The following NSD3 variants were observed in gnomAD, a reference collection of about 807,000 sequenced individuals.
The protein encoded by NSD3 is nuclear receptor binding SET domain protein 3, also known as histone-lysine N-methyltransferase NSD3.
A neutral mutation model predicts 160.8 loss-of-function variants in NSD3; 24 were observed. The observed-to-expected ratio is 0.15, with a 90% confidence interval of 0.11 to 0.21. The LOEUF is 0.21. Ranked by LOEUF, NSD3 falls within the 10% of genes least tolerant of loss-of-function variation. NSD3 has a pLI of 1.00. For synonymous variants in NSD3, 520 were observed against 600.0 expected (o/e 0.87, Z 1.95); for missense variants, 1,157 against 1,735.9 (o/e 0.67, Z 5.93).
chr8:38,338,594 C>T lies in NSD3; in HGVS notation c.689G>A (p.Arg230Lys). Residue 230 changes from arginine (R) to lysine (K), a missense_variant, in exon 3 of 24, where the codon AGG (arginine) becomes AAG (lysine). This residue lies in a region of NSD3 where 99 missense variants were observed against 151.8 expected (regional missense o/e 0.65). Coordinates refer to ENST00000317025, the MANE Select transcript of NSD3 (RefSeq NM_023034.2). ...TGGTTTTTCTGATACAGTGTCAACC[C>T]TCTCATTTGGTCTCTAGGTGAAAAG... ...EPEEQNRPNE[R>K]VDTVSEKPRE... The T allele has an allele frequency of 6.2e-7, 1 of 1,613,728 alleles. No homozygotes were observed. The highest frequency in any genetic ancestry group is 2.2e-5 in the East Asian group (1 of 44,826).
chr8:38,307,130 A>T (rs11990829), intron 12 of NSD3, among the ~76,000 whole-genome samples: 18,177 of 127,388 alleles, frequency 0.14, 1,473 homozygotes, highest in Middle Eastern at 0.24. Flanking sequence ...AAAAAAAAAT[A>T]AAATAAAATA....
At chr8:38,308,590 G>A (rs1585873807) in intron 12 of NSD3, among the ~76,000 whole-genome samples, 3 of 152,106 alleles carry the variant, frequency 2.0e-5, no homozygotes, top group South Asian at 2.1e-4. Context: ...AGGCCGAGGC[G>A]GGAGGATCAC....
chr8:38,303,391 T>C (rs1809319916), intron 14 of NSD3: 1 of 985,338 alleles, frequency 1.0e-6, no homozygotes, highest in Non-Finnish European at 1.2e-6. Flanking sequence ...AGGATACATT[T>C]GACACTGCTG....
intron 1 of NSD3, among the ~76,000 whole-genome samples, chr8:38,359,382 G>A (rs922690734): frequency 6.6e-6 from 1 of 152,028 alleles, no homozygotes; most frequent in Non-Finnish European, 1.5e-5. Context: ...CTACCCTAAG[G>A]ACAGGGCACA....
Position 38,318,830 on chromosome 8 carries a change from C to T in NSD3, c.1855+65G>A, listed in dbSNP as rs1809730796. ...GAGACAGACAAAAATACATGAAGTACAAATAATTCTTAAAAATTGGTTTTA... is the reference window on the plus strand; with the variant it reads ...GAGACAGACAAAAATACATGAAGTATAAATAATTCTTAAAAATTGGTTTTA... On this transcript the variant is annotated intron_variant, in intron 9 of 23. Transcript: ENST00000317025. The surrounding 1 kb of genome is among the most constrained non-coding windows in gnomAD (Gnocchi z 5.3). The T allele has an allele frequency of 4.7e-6, 7 of 1,474,702 alleles. No individual in the cohort carries two copies. The Admixed American group carries it at 1.3e-4, about 28-fold the overall frequency. 91.4% of individuals were successfully genotyped at this position (1,474,702 alleles called of 1,614,324 possible).
chr8:38,278,922 A>G (rs1199998887), intron 21 of NSD3, among the ~76,000 whole-genome samples: 2 of 152,242 alleles, frequency 1.3e-5, no homozygotes, highest in Non-Finnish European at 2.9e-5. Flanking sequence ...GGCTTAAACA[A>G]TCCACAATGA....
chr8:38,364,827 C>T (rs1342268234), intron 1 of NSD3, among the ~76,000 whole-genome samples: 2 of 152,142 alleles, frequency 1.3e-5, no homozygotes, highest in Non-Finnish European at 2.9e-5. Flanking sequence ...CCCTCATAGC[C>T]ATCACAAAGA....
At chr8:38,337,186 T>C (rs1563359495) in intron 4 of NSD3, 119 bp downstream of exon 4, 5 of 900,054 alleles carry the variant, frequency 5.6e-6, no homozygotes, top group Non-Finnish European at 7.5e-6. Context: ...CTGATACGGA[T>C]ATGCACATTT....
At chr8:38,362,941 C>A (rs944928163) in intron 1 of NSD3, among the ~76,000 whole-genome samples, 5 of 152,082 alleles carry the variant, frequency 3.3e-5, no homozygotes, top group African/African-American at 9.7e-5. Flanking sequence ...AACATAAAAT[C>A]AATTTATTTT....
Position 38,304,761 on chromosome 8 carries a change from T to C in NSD3, c.2441-4A>G, listed in dbSNP as rs758137800. On this transcript the variant is annotated splice_polypyrimidine_tract_variant and splice_region_variant and intron_variant, in intron 13 of 23. Transcript: ENST00000317025. ...CTTAAACATCTCATCATGCGGCCTG[T>C]TTAAAGACAAGTCAAAAAGGAATCT... 2.5e-6 allele frequency: 4 copies of C among 1,591,156 alleles called. No homozygotes were observed. The South Asian group carries it at 4.6e-5, about 18-fold the overall frequency.
intron 6 of NSD3, 106 bp from the exon 7 acceptor site, chr8:38,326,962 T>G (rs1809927469): frequency 8.0e-7 from 1 of 1,254,986 alleles, no homozygotes; most frequent in African/African-American, 1.5e-5. Context: ...TGCTTAAATT[T>G]TATATGGTCT....
chr8:38,296,212 T>C (rs1305691228), intron 15 of NSD3, among the ~76,000 whole-genome samples: 2 of 152,176 alleles, frequency 1.3e-5, no homozygotes, highest in Admixed American at 6.5e-5. Context: ...CTTTAAACTA[T>C]GGGCTACTGA....
rs1017152828 is a variant in NSD3 at position 38,316,352 on chromosome 8, G to T, written c.1856-310C>A. On this transcript the variant is annotated intron_variant, in intron 9 of 23. Transcript: ENST00000317025. The surrounding 1 kb of genome is among the most constrained non-coding windows in gnomAD (Gnocchi z 4.5). Reference sequence around the variant, plus strand: ...TATGAAAATTGCAGGATAGCTGATGGATTTGGAGCAATTCAAAGAACCATT... The same window carrying T: ...TATGAAAATTGCAGGATAGCTGATGTATTTGGAGCAATTCAAAGAACCATT... 4.4e-5 allele frequency: 48 copies of T among 1,089,910 alleles called. No homozygotes were observed. Among genetic ancestry groups the T allele is most frequent in the Non-Finnish European group, 5.3e-5 (47 of 888,448 alleles). 67.5% of individuals were successfully genotyped at this position (1,089,910 alleles called of 1,614,324 possible). A position where few individuals can be genotyped will look rare whatever the true frequency, so the allele number is the denominator to read the frequency against.
At position 38,271,039 on chromosome 8, in the gene NSD3, G is replaced by A. The variant is rs1808455241; in HGVS notation, c.*4602C>T. On this transcript the variant is annotated 3_prime_UTR_variant, in exon 24 of 24. Transcript: ENST00000317025. ...TAGACATAGTAAAAGGAAAGAAGAT[G>A]TGCTTGGGGAGAGGGTTGACAAAAT... The A allele has an allele frequency of 6.6e-6, 1 of 152,178 alleles. No individual in the cohort carries two copies. The highest frequency in any genetic ancestry group is 1.5e-5 in the Non-Finnish European group (1 of 68,032). The allele number at this position is 152,178 out of a possible 1,614,324, so 9.4% of individuals were successfully genotyped here.
intron 19 of NSD3, among the ~76,000 whole-genome samples, chr8:38,283,452 C>G (rs1265100419): frequency 7.7e-6 from 1 of 130,618 alleles, no homozygotes; most frequent in Non-Finnish European, 1.6e-5. Context: ...TCTCATAGCT[C>G]TTAGTATCAC....
Position 38,317,397 on chromosome 8 carries a change from T to G in NSD3, c.1856-1355A>C. On this transcript the variant is annotated intron_variant, in intron 9 of 23. Coordinates refer to ENST00000317025, the MANE Select transcript of NSD3 (RefSeq NM_023034.2). This position sits in a 1 kb window ranked among gnomAD's most constrained non-coding sequence, Gnocchi z 5.3. ...ATATTTCCTTGGCCTAAAAGATCAC[T>G]GGATTAACAAGGAGTTTTAACAGAG... 1 of 1,054,858 alleles carries G rather than the reference T, an allele frequency of 9.5e-7. No homozygotes were observed. The highest frequency in any genetic ancestry group is 1.1e-6 in the Non-Finnish European group (1 of 872,696). The allele number at this position is 1,054,858 out of a possible 1,614,324, so 65.3% of individuals were successfully genotyped here. A position where few individuals can be genotyped will look rare whatever the true frequency, so the allele number is the denominator to read the frequency against.
At chr8:38,379,166 T>C (rs893629866) in intron 1 of NSD3, among the ~76,000 whole-genome samples, 3 of 152,216 alleles carry the variant, frequency 2.0e-5, no homozygotes, top group East Asian at 3.9e-4. Context: ...TAATTGGTTA[T>C]AAGTGTTATT....
chr8:38,332,506 T>C (rs1046072455), intron 4 of NSD3, among the ~76,000 whole-genome samples: 2 of 152,178 alleles, frequency 1.3e-5, no homozygotes, highest in Admixed American at 6.5e-5. Flanking sequence ...TTTTGAGTCC[T>C]CAAGTTTTAG....
chr8:38,376,159 A>G (rs1031984769), intron 1 of NSD3, among the ~76,000 whole-genome samples: 5 of 151,930 alleles, frequency 3.3e-5, no homozygotes, highest in African/African-American at 1.2e-4. Flanking sequence ...TTTCATCGCT[A>G]TCTTATTTTA....
Sources: gnomAD v4.1 joint callset for allele counts (sites outside exome capture counted in the v4.1 genomes callset) on GRCh38, gnomAD v4.1.1 for gene constraint, gnomAD v4.1.1 regional missense constraint, Gnocchi (gnomAD v3.1) non-coding constraint, MANE v1.5 for transcripts, NCBI Gene and HGNC (gene_info 2026-07-23, HGNC 2026-07-21) for gene names.